CUL7: variants seen among roughly 807,000 people sequenced by gnomAD.
CUL7 encodes the protein cullin 7, also known as cullin-7.
In CUL7, 96 loss-of-function variants were observed where a neutral mutation model predicts 177.7. That is an observed-to-expected ratio of 0.54 (90% CI 0.46 to 0.64). CUL7 has a LOEUF of 0.64. CUL7 is among the 30% of genes least tolerant of loss of function. The pLI is 0.00. For missense variants in CUL7, 1,893 were observed against 2,187.9 expected (o/e 0.87, Z 2.69); for synonymous variants, 824 against 890.2 (o/e 0.93, Z 1.32).
Position 43,040,070 on chromosome 6 carries a change from A to AC in CUL7, c.4294+85_4294+86insG. Reference sequence around the variant, plus strand: ...TATCTCTTTTTACATCAAGCCTCCCAACATCAGGGTCTGCCCCCAACCCCA... The same window carrying AC: ...TATCTCTTTTTACATCAAGCCTCCCACACATCAGGGTCTGCCCCCAACCCCA... On this transcript the variant is annotated intron_variant, in intron 22 of 25. Coordinates refer to ENST00000265348, the MANE Select transcript of CUL7 (RefSeq NM_014780.5). This position sits in a 1 kb window ranked among gnomAD's most constrained non-coding sequence, Gnocchi z 4.2. 1 of 1,501,926 alleles carries AC rather than the reference A, an allele frequency of 6.7e-7. No individual in the cohort carries two copies. The highest frequency in any genetic ancestry group is 1.4e-5 in the African/African-American group (1 of 72,692). The allele number at this position is 1,501,926 out of a possible 1,614,324, so 93.0% of individuals were successfully genotyped here.
rs374287613 is a variant in CUL7 at position 43,048,183 on chromosome 6, T to G, written c.2134A>C (p.Met712Leu). ...GTGTTTGGGGACCGCAGGCAGGCCA[T>G]GCAGGCATCCACGGCCTCGTGCCAG... Reference protein sequence around the residue: ...LPWHEAVDACMACLRSPNTDR... With the variant: ...LPWHEAVDACLACLRSPNTDR... Residue 712 changes from methionine to leucine, a missense_variant, in exon 9 of 26, where the codon ATG (methionine) becomes CTG (leucine). By Grantham distance (15) the Met-to-Leu change is conservative. This residue lies in a region of CUL7 where 973 missense variants were observed against 1,140.9 expected (regional missense o/e 0.85). Transcript: ENST00000265348. 4 of 1,613,810 alleles carry G rather than the reference T, an allele frequency of 2.5e-6. No individual in the cohort carries two copies. Among genetic ancestry groups the G allele is most frequent in the Non-Finnish European group, 2.5e-6 (3 of 1,179,704 alleles).
rs563994646 is a variant in CUL7, at chr6:43,046,047, G to A, written c.2705C>T (p.Pro902Leu). 1.2e-5 allele frequency: 20 copies of A among 1,614,160 alleles called. No homozygotes were observed. The highest frequency in any genetic ancestry group is 1.1e-4 in the South Asian group (10 of 91,082). ...LVASEDSSYM[P>L]ARVVVCGGDS... ...ACCCCCGCACACCACCACTCGGGCC[G>A]GCATGTAACTCGAGTCCTCACTAGC... Residue 902 changes from proline to leucine, a missense_variant, in exon 13 of 26, where the codon CCG becomes CTG. Physicochemically the swap from Pro to Leu is moderately conservative, Grantham distance 98 (BLOSUM62 -3). Around this residue, in one of 5 missense-constraint regions of CUL7, gnomAD observed 973 missense variants for 1,140.9 expected, o/e 0.85. Coordinates refer to ENST00000265348, the MANE Select transcript of CUL7 (RefSeq NM_014780.5).
intron 9 of CUL7, 54 bp from the exon 10 acceptor site, chr6:43,047,161 G>A (rs1763992570): frequency 8.0e-6 from 8 of 997,574 alleles, no homozygotes; most frequent in Admixed American, 1.7e-5. Context: ...GGGCCACAAG[G>A]GCACCTGCAG....
chr6:43,041,617 GAGAA>G (rs140296297), intron 19 of CUL7, among the ~76,000 whole-genome samples: 3,604 of 148,534 alleles, frequency 0.024, 138 homozygotes, highest in African/African-American at 0.084. Context: ...AGTAAAGAAA[GAGAA>G]AGAAAGGGAG....
rs1764542045 is a variant in CUL7 at position 43,052,841 on chromosome 6, G to A, written c.-8-45C>T. ...GAGAACAGACAAGCTAGAGGAAGGA[G>A]AGGTCAGAAAATCAAAGATATCCAG... is the stretch of plus-strand genomic sequence containing the variant. On this transcript the variant is annotated intron_variant, in intron 1 of 25. Transcript: ENST00000265348. The surrounding 1 kb of genome is among the most constrained non-coding windows in gnomAD (Gnocchi z 4.5). 1 of 1,573,930 alleles carries A rather than the reference G, an allele frequency of 6.4e-7. No individual in the cohort carries two copies. Among genetic ancestry groups the A allele is most frequent in the African/African-American group, 1.3e-5 (1 of 74,438 alleles).
intron 23 of CUL7, 33 bp from the exon 24 acceptor site, chr6:43,038,725 T>C: frequency 6.2e-7 from 1 of 1,613,386 alleles, no homozygotes; most frequent in South Asian, 1.1e-5. Flanking sequence ...ATTCAGGGCC[T>C]CCCCAAGGAG....
chr6:43,053,810 G>A lies in CUL7; in HGVS notation c.-197C>T, dbSNP rs776220736. The A allele has an allele frequency of 7.2e-6, 11 of 1,532,756 alleles. No individual in the cohort carries two copies. The highest frequency in any genetic ancestry group is 1.4e-5 in the African/African-American group (1 of 72,852). The allele number at this position is 1,532,756 out of a possible 1,614,324, so 94.9% of individuals were successfully genotyped here. A position where few individuals can be genotyped will look rare whatever the true frequency, so the allele number is the denominator to read the frequency against. On this transcript the variant is annotated 5_prime_UTR_variant, in exon 1 of 26. Transcript: ENST00000265348. The surrounding 1 kb of genome is among the most constrained non-coding windows in gnomAD (Gnocchi z 4.1). ...GAGTCGGCAGCCACTGGGGCAGGGT[G>A]GGGCCCGGTCCCTGCCAGCGGCTCC...
Position 43,052,666 on chromosome 6 carries a change from A to G in CUL7, c.123T>C (p.Arg41=), listed in dbSNP as rs749994280. Residue 41 remains arginine, a synonymous_variant, in exon 2 of 26, where the codon CGT becomes CGC. Coordinates refer to ENST00000265348, the MANE Select transcript of CUL7 (RefSeq NM_014780.5). The surrounding 1 kb of genome is among the most constrained non-coding windows in gnomAD (Gnocchi z 4.5). ...CATCGCCACGCCGCAGGATGAGCCAACGGATCTGGTACTCAGGATGCCCAT... is the reference window on the plus strand; with the variant it reads ...CATCGCCACGCCGCAGGATGAGCCAGCGGATCTGGTACTCAGGATGCCCAT... ...GHDGHPEYQI[R]WLILRRGDEG... 7 of 1,614,198 alleles carry G rather than the reference A, an allele frequency of 4.3e-6. No individual in the cohort carries two copies. Among genetic ancestry groups the G allele is most frequent in the Non-Finnish European group, 5.9e-6 (7 of 1,180,050 alleles).
intron 22 of CUL7, among the ~76,000 whole-genome samples, chr6:43,039,489 G>GTGCCTCC (rs1763227468): frequency 6.6e-6 from 1 of 151,966 alleles, no homozygotes; most frequent in South Asian, 2.1e-4. Context: ...GTGGCCTCAG[G>GTGCCTCC]TGCCTCCTGC....
Position 43,040,488 on chromosome 6 carries a change from C to G in CUL7, c.4023+42G>C, listed in dbSNP as rs1469882322. On this transcript the variant is annotated intron_variant, in intron 21 of 25. Coordinates refer to ENST00000265348, the MANE Select transcript of CUL7 (RefSeq NM_014780.5). The surrounding 1 kb of genome is among the most constrained non-coding windows in gnomAD (Gnocchi z 4.2). ...CTCCAGTCTGCTCCACGCCCCTCTT[C>G]CCCCTACCCTCTTATTTGCTTATCC... is the stretch of plus-strand genomic sequence containing the variant. 6.3e-7 allele frequency: 1 copy of G among 1,593,012 alleles called. No homozygotes were observed. The highest frequency in any genetic ancestry group is 1.3e-5 in the African/African-American group (1 of 74,754).
chr6:43,050,261 T>A lies in CUL7; in HGVS notation c.1371A>T (p.Arg457Ser). Reference protein sequence around the residue: ...QGAVASRVLGRALPAWRWRPM... With the variant: ...QGAVASRVLGSALPAWRWRPM... ...CCCTTGCTTCCTCCCTGAGCTCACC[T>A]CTACCCAGGACTCTACTGGCCACTG... Residue 457 changes from arginine (R) to serine (S), a missense_variant and splice_region_variant, in exon 5 of 26, where the codon AGA (arginine) becomes AGT (serine). This residue lies in a region of CUL7 where 653 missense variants were observed against 725.2 expected (regional missense o/e 0.90). Transcript: ENST00000265348. The surrounding 1 kb of genome is among the most constrained non-coding windows in gnomAD (Gnocchi z 4.1). The A allele has an allele frequency of 6.2e-7, 1 of 1,614,156 alleles. No individual in the cohort carries two copies. The highest frequency in any genetic ancestry group is 8.5e-7 in the Non-Finnish European group (1 of 1,180,030).
Position 43,043,318 on chromosome 6 carries a change from A to T in CUL7, c.3355+130T>A, listed in dbSNP as rs1438364461. 1 of 1,212,374 alleles carries T rather than the reference A, an allele frequency of 8.2e-7. No individual in the cohort carries two copies. Among genetic ancestry groups the T allele is most frequent in the Non-Finnish European group, 1.2e-6 (1 of 831,050 alleles). The allele number at this position is 1,212,374 out of a possible 1,614,324, so 75.1% of individuals were successfully genotyped here. A position where few individuals can be genotyped will look rare whatever the true frequency, so the allele number is the denominator to read the frequency against. ...ATGTTCATGGATGGAGGTGACACAA[A>T]CCTGGAAGATGAACAGGCTGAGCCC... On this transcript the variant is annotated intron_variant, in intron 17 of 25. Transcript: ENST00000265348. This position sits in a 1 kb window ranked among gnomAD's most constrained non-coding sequence, Gnocchi z 4.2.
At chr6:43,048,608 A>G in intron 7 of CUL7, 39 bp from the exon 8 acceptor site, 1 of 1,319,948 alleles carries the variant, frequency 7.6e-7, no homozygotes, top group Non-Finnish European at 1.1e-6. Flanking sequence ...GGCCATTGTT[A>G]GTAATGTGAA....
chr6:43,045,531 G>A lies in CUL7; in HGVS notation c.2862+56C>T. 6.2e-7 allele frequency: 1 copy of A among 1,613,364 alleles called. No individual in the cohort carries two copies. The highest frequency in any genetic ancestry group is 8.5e-7 in the Non-Finnish European group (1 of 1,179,428). On this transcript the variant is annotated intron_variant, in intron 14 of 25. Coordinates refer to ENST00000265348, the MANE Select transcript of CUL7 (RefSeq NM_014780.5). The surrounding 1 kb of genome is among the most constrained non-coding windows in gnomAD (Gnocchi z 4.8). ...TGGTCCTCTGGCTTAAGATCTGCCTGTTTATGGGGCTCAGAGCCCCCTACC... is the reference window on the plus strand; with the variant it reads ...TGGTCCTCTGGCTTAAGATCTGCCTATTTATGGGGCTCAGAGCCCCCTACC...
At chr6:43,042,338 T>TTTG (rs1156656747) in intron 19 of CUL7, among the ~76,000 whole-genome samples, 14 of 145,366 alleles carry the variant, frequency 9.6e-5, no homozygotes, top group African/African-American at 3.5e-4. Flanking sequence ...GGTTTTTTTG[T>TTTG]TTTTTTCTTT....
At position 43,044,310 on chromosome 6, in the gene CUL7, G is replaced by GA. The variant is rs545627073; in HGVS notation, c.3172+441dup. On this transcript the variant is annotated intron_variant, in intron 16 of 25. Transcript: ENST00000265348. ...GCACTCCAGTCTAGGCAACAAGAGCGAAACTCTGTCTCAAAAAAATAAAAT... is the reference window on the plus strand; with the variant it reads ...GCACTCCAGTCTAGGCAACAAGAGCGAAAACTCTGTCTCAAAAAAATAAAAT... 4.1e-3 allele frequency among the ~76,000 whole-genome samples: 620 copies of GA among 151,638 alleles called. 6 individuals are homozygous for GA. The highest frequency in any genetic ancestry group is 0.014 in the African/African-American group (583 of 41,324).
In CUL7 at chr6:43,050,865, T is replaced by C; in HGVS notation, c.1233+103A>G. On this transcript the variant is annotated intron_variant, in intron 4 of 25. Coordinates refer to ENST00000265348, the MANE Select transcript of CUL7 (RefSeq NM_014780.5). This position sits in a 1 kb window ranked among gnomAD's most constrained non-coding sequence, Gnocchi z 4.1. ...TCACCATTCCAATCTTACCTAAAGC[T>C]TTCTCTTTGGGTGGCCTGCTGGAGC... 1 of 1,418,034 alleles carries C rather than the reference T, an allele frequency of 7.1e-7. No individual in the cohort carries two copies. Among genetic ancestry groups the C allele is most frequent in the Non-Finnish European group, 9.8e-7 (1 of 1,021,220 alleles). 87.8% of individuals were successfully genotyped at this position (1,418,034 alleles called of 1,614,324 possible).
At position 43,050,966 on chromosome 6, in the gene CUL7, A is replaced by G; in HGVS notation, c.1233+2T>C. 1 of 1,613,542 alleles carries G rather than the reference A, an allele frequency of 6.2e-7. No individual in the cohort carries two copies. The highest frequency in any genetic ancestry group is 8.5e-7 in the Non-Finnish European group (1 of 1,179,910). The stretch of plus-strand genomic sequence containing the variant: ...AGTATCCCACCACCATGTGCCACTC[A>G]CCTGCACAGGAGGCACACCGTTGTT... On this transcript the variant is annotated splice_donor_variant, in intron 4 of 25. Transcript: ENST00000265348. LOFTEE classifies it high-confidence loss of function. The surrounding 1 kb of genome is among the most constrained non-coding windows in gnomAD (Gnocchi z 4.1).
At position 43,051,435 on chromosome 6, in the gene CUL7, G is replaced by A. The variant is rs913411323; in HGVS notation, c.766C>T (p.Arg256Trp). The stretch of plus-strand genomic sequence containing the variant: ...AGGAGCGAGGTGACATGCAAATACC[G>A]CTTCACCAGGGAGAAGAGCACCCTT... ...PGRVLFSLVK[R>W]YLHVTSLLDQ... is the part of the protein sequence containing the mutation. Residue 256 changes from arginine to tryptophan, a missense_variant, in exon 4 of 26, where the codon CGG becomes TGG. Coordinates refer to ENST00000265348, the MANE Select transcript of CUL7 (RefSeq NM_014780.5). This position sits in a 1 kb window ranked among gnomAD's most constrained non-coding sequence, Gnocchi z 5.0. 7 of 1,613,820 alleles carry A rather than the reference G, an allele frequency of 4.3e-6. No homozygotes were observed. The highest frequency in any genetic ancestry group is 1.1e-5 in the South Asian group (1 of 91,076).
Sources: gnomAD v4.1 joint callset for allele counts (sites outside exome capture counted in the v4.1 genomes callset) on GRCh38, gnomAD v4.1.1 for gene constraint, gnomAD v4.1.1 regional missense constraint, Gnocchi (gnomAD v3.1) non-coding constraint, MANE v1.5 for transcripts, NCBI Gene and HGNC (gene_info 2026-07-23, HGNC 2026-07-21) for gene names.